The following FBXO33 variants were observed in gnomAD, a reference collection of about 807,000 sequenced individuals.
The protein encoded by FBXO33 is F-box protein 33.
FBXO33 carries 22 observed loss-of-function variants against 46.3 expected under a neutral mutation model. The observed-to-expected ratio is 0.48, with a 90% confidence interval of 0.34 to 0.68. FBXO33 has a LOEUF of 0.68. Among genes scored for constraint, FBXO33 ranks in the 30% least tolerant of loss-of-function variants. The pLI, the probability that FBXO33 is intolerant of heterozygous loss-of-function variation, is 0.01. For missense variants in FBXO33, 692 were observed against 708.8 expected, an observed-to-expected ratio of 0.98 and a Z score of 0.27; for synonymous variants, 337 against 291.3, an observed-to-expected ratio of 1.16 and a Z score of -1.60.
chr14:39,428,020 T>C (rs1011330519), intron 1 of FBXO33, among the ~76,000 whole-genome samples: 8 of 152,178 alleles, frequency 5.3e-5, no homozygotes, highest in Admixed American at 3.9e-4. Flanking sequence ...TCACTGTGCA[T>C]GCCAAATCAA....
At chr14:39,422,724 T>C (rs2139418133) in intron 1 of FBXO33, among the ~76,000 whole-genome samples, 1 of 152,340 alleles carries the variant, frequency 6.6e-6, no homozygotes, top group Non-Finnish European at 1.5e-5. Flanking sequence ...CTTTGCAGAT[T>C]TTTTTCTAAC....
At chr14:39,403,976 T>C (rs980203104) in intron 1 of FBXO33, among the ~76,000 whole-genome samples, 1 of 152,030 alleles carries the variant, frequency 6.6e-6, no homozygotes, top group African/African-American at 2.4e-5. Flanking sequence ...TAATTTTAAA[T>C]ATTTTGTATT....
At chr14:39,403,059 T>C (rs2075376370) in intron 1 of FBXO33, among the ~76,000 whole-genome samples, 1 of 151,956 alleles carries the variant, frequency 6.6e-6, no homozygotes, top group Non-Finnish European at 1.5e-5. Flanking sequence ...CCTTATAGGG[T>C]TTAAGGATAA....
At chr14:39,420,488 C>T (rs1364315132) in intron 1 of FBXO33, among the ~76,000 whole-genome samples, 2 of 152,126 alleles carry the variant, frequency 1.3e-5, no homozygotes, top group African/African-American at 2.4e-5. Context: ...CAGATCGAGA[C>T]CAACCTGGCT....
intron 3 of FBXO33, 33 bp downstream of exon 3, chr14:39,401,143 C>T: frequency 6.5e-7 from 1 of 1,531,486 alleles, no homozygotes; most frequent in African/African-American, 1.4e-5. Flanking sequence ...GGTCTAATTC[C>T]AGTATCAGAT....
At chr14:39,412,105 T>C (rs1033393648) in intron 1 of FBXO33, among the ~76,000 whole-genome samples, 1 of 152,238 alleles carries the variant, frequency 6.6e-6, no homozygotes, top group African/African-American at 2.4e-5. Flanking sequence ...AAATCCAGTG[T>C]TTCCTCACTG....
rs968265106 is a variant in FBXO33 at position 39,401,723 on chromosome 14, G to A, written c.849C>T (p.Leu283=). 3.1e-6 allele frequency: 5 copies of A among 1,614,216 alleles called. No homozygotes were observed. Among genetic ancestry groups the A allele is most frequent in the Admixed American group, 3.3e-5 (2 of 60,018 alleles). The change falls in exon 3 of 4, where the codon CTC becomes CTT. Residue 283 remains leucine, a synonymous_variant. Transcript: ENST00000298097. ...SNAVANTMEH[L]SLLDNNIPGN... ...CAGGAATATTATTGTCCAGTAAACT[G>A]AGGTGCTCCATGGTGTTGGCAACAG...
intron 1 of FBXO33, among the ~76,000 whole-genome samples, chr14:39,412,559 T>A (rs1259203628): frequency 1.3e-5 from 2 of 152,240 alleles, no homozygotes; most frequent in Non-Finnish European, 2.9e-5. Flanking sequence ...TAATTAATAA[T>A]AGGTAAAGAC....
chr14:39,414,355 T>C (rs533102486), intron 1 of FBXO33, among the ~76,000 whole-genome samples: 4 of 152,378 alleles, frequency 2.6e-5, no homozygotes, highest in Non-Finnish European at 5.9e-5. Context: ...ATTAAGGGAA[T>C]GTTGTGGCTA....
chr14:39,421,148 G>T (rs1291220343), intron 1 of FBXO33, among the ~76,000 whole-genome samples: 1 of 152,190 alleles, frequency 6.6e-6, no homozygotes, highest in East Asian at 1.9e-4. Flanking sequence ...TAAGATCAAA[G>T]ACTCTTGCCT....
chr14:39,417,050 G>C (rs567098806), intron 1 of FBXO33, among the ~76,000 whole-genome samples: 1 of 152,132 alleles, frequency 6.6e-6, no homozygotes, highest in Non-Finnish European at 1.5e-5. Flanking sequence ...CAGTCCTTTA[G>C]TAGGTGGCAT....
At chr14:39,418,435 C>G (rs889941016) in intron 1 of FBXO33, among the ~76,000 whole-genome samples, 1 of 151,500 alleles carries the variant, frequency 6.6e-6, no homozygotes, top group Non-Finnish European at 1.5e-5. Context: ...CTTTACATAG[C>G]CTTTAAGTTC....
chr14:39,431,517 G>C, intron 1 of FBXO33, 47 bp downstream of exon 1: 1 of 1,603,088 alleles, frequency 6.2e-7, no homozygotes, highest in Non-Finnish European at 8.5e-7. Context: ...TGCGGGGACG[G>C]AGCGACCCCC....
chr14:39,419,750 CAT>C (rs1365868393), intron 1 of FBXO33, among the ~76,000 whole-genome samples: 3 of 152,182 alleles, frequency 2.0e-5, no homozygotes, highest in Admixed American at 6.5e-5. Context: ...GCTTAAAAGA[CAT>C]GTAACAAAAA....
chr14:39,402,304 G>A (rs952832184), intron 2 of FBXO33, 97 bp downstream of exon 2: 2 of 598,412 alleles, frequency 3.3e-6, no homozygotes, highest in African/African-American at 1.9e-5. Context: ...TTCCTTTTAG[G>A]AAAAAAATCA....
rs1028249633 is a variant in FBXO33, at chr14:39,431,684, G to C, written c.479C>G (p.Ala160Gly). The change falls in exon 1 of 4, where the codon GCG (alanine) becomes GGG (glycine). Residue 160 changes from alanine (A) to glycine (G), a missense_variant. By Grantham distance (60) the Ala-to-Gly change is moderately conservative. Coordinates refer to ENST00000298097, the MANE Select transcript of FBXO33 (RefSeq NM_203301.4). ...SGGGPGDGGG[A>G]DTGTGGEEVE... is the part of the protein sequence containing the mutation. ...TTCCTCCCCTCCAGTCCCGGTGTCC[G>C]CGCCACCTCCGTCCCCTGGGCCACC... The C allele has an allele frequency of 3.1e-6, 5 of 1,613,348 alleles. No individual in the cohort carries two copies. The highest frequency in any genetic ancestry group is 2.7e-5 in the African/African-American group (2 of 74,924).
chr14:39,406,164 T>G (rs910918725), intron 1 of FBXO33, among the ~76,000 whole-genome samples: 1 of 151,926 alleles, frequency 6.6e-6, no homozygotes, highest in Non-Finnish European at 1.5e-5. Context: ...TTCCATAAGT[T>G]TTCTTAAAAA....
At chr14:39,425,355 T>C (rs1019253626) in intron 1 of FBXO33, among the ~76,000 whole-genome samples, 4 of 152,104 alleles carry the variant, frequency 2.6e-5, no homozygotes, top group African/African-American at 7.2e-5. Flanking sequence ...ACAGGAACAA[T>C]AGAAAAATGC....
chr14:39,421,593 A>G (rs1223304894), intron 1 of FBXO33, among the ~76,000 whole-genome samples: 1 of 152,232 alleles, frequency 6.6e-6, no homozygotes, highest in Non-Finnish European at 1.5e-5. Flanking sequence ...TAAAAATTTC[A>G]GGTGACCATA....
Sources: allele counts gnomAD v4.1 joint callset (sites outside exome capture counted in the v4.1 genomes callset), GRCh38; gene constraint gnomAD v4.1.1; transcripts MANE v1.5; gene names NCBI Gene and HGNC (gene_info 2026-07-23, HGNC 2026-07-21).